The following PAK1 variants were observed in gnomAD, a reference collection of about 807,000 sequenced individuals.
The protein encoded by PAK1 is serine/threonine-protein kinase PAK 1.
Under a neutral mutation model 67.4 loss-of-function variants are expected in PAK1, and 29 were observed. The observed-to-expected ratio is 0.43, with a 90% CI of 0.32 to 0.59. PAK1 has a LOEUF of 0.59. Ranked by LOEUF, PAK1 falls within the 20% of genes least tolerant of loss-of-function variation. The probability of loss-of-function intolerance (pLI) is 0.07; values close to 1 mark genes in which losing one functional copy is unlikely to be tolerated. For missense variants in PAK1, 337 were observed against 670.7 expected, an observed-to-expected ratio of 0.50 and a Z score of 5.50; for synonymous variants, 223 against 237.4, an observed-to-expected ratio of 0.94 and a Z score of 0.56.
At chr11:77,489,302 T>C in the PAK1 span, among the ~76,000 whole-genome samples, 5 of 152,228 alleles carry the variant, frequency 3.3e-5, no homozygotes, top group South Asian at 8.3e-4. Flanking sequence ...TTGTAAGAAA[T>C]GCTAAAGATA....
At chr11:77,409,899 A>G (rs1954244409) in intron 1 of PAK1, among the ~76,000 whole-genome samples, 1 of 152,020 alleles carries the variant, frequency 6.6e-6, no homozygotes, top group Non-Finnish European at 1.5e-5. Flanking sequence ...TTTTTAACTA[A>G]AAAAAAATTT....
At chr11:77,446,526 A>AG (rs1212058985) in intron 1 of PAK1, among the ~76,000 whole-genome samples, 8 of 151,250 alleles carry the variant, frequency 5.3e-5, no homozygotes, top group African/African-American at 1.9e-4. Context: ...AAAAAAAAAA[A>AG]AAAAAAAAGA....
At chr11:77,509,269 T>C in the PAK1 span, among the ~76,000 whole-genome samples, 1 of 150,974 alleles carries the variant, frequency 6.6e-6, no homozygotes, top group African/African-American at 2.4e-5. Context: ...AAAAAATAAA[T>C]AAAATAAAAT....
At chr11:77,494,683 A>C in the PAK1 span, among the ~76,000 whole-genome samples, 2 of 152,086 alleles carry the variant, frequency 1.3e-5, no homozygotes, top group South Asian at 4.1e-4. Context: ...ATGGAAAATG[A>C]TACAGACACC....
At chr11:77,391,743 C>T (rs1055438158) in intron 2 of PAK1, among the ~76,000 whole-genome samples, 3 of 152,196 alleles carry the variant, frequency 2.0e-5, no homozygotes, top group Non-Finnish European at 4.4e-5. Context: ...CACCACTATT[C>T]ATCATATGAT....
At chr11:77,372,660 G>C (rs1948595212) in intron 5 of PAK1, among the ~76,000 whole-genome samples, 1 of 152,046 alleles carries the variant, frequency 6.6e-6, no homozygotes, top group Non-Finnish European at 1.5e-5. Flanking sequence ...ACTCCTACAT[G>C]ATCTGTCCTG....
intron 13 of PAK1, among the ~76,000 whole-genome samples, chr11:77,333,083 A>C (rs1464133902): frequency 2.6e-5 from 4 of 152,146 alleles, no homozygotes; most frequent in Admixed American, 2.0e-4. Flanking sequence ...AGTAGGGATG[A>C]TGATAATGCC....
intron 1 of PAK1, among the ~76,000 whole-genome samples, chr11:77,458,842 T>C (rs113660792): frequency 0.014 from 2,123 of 152,264 alleles, 42 homozygotes; most frequent in African/African-American, 0.049. Context: ...ATTCAGTCTT[T>C]CAACAAATAT....
chr11:77,404,359 G>A (rs959620887), intron 1 of PAK1, among the ~76,000 whole-genome samples: 8 of 151,526 alleles, frequency 5.3e-5, no homozygotes, highest in South Asian at 4.2e-4. Context: ...CCTCCACCTC[G>A]GGGGTTCAAG....
chr11:77,459,690 CTTTTTT>C (rs755731892), intron 1 of PAK1, among the ~76,000 whole-genome samples: 4 of 134,554 alleles, frequency 3.0e-5, no homozygotes, highest in East Asian at 4.3e-4. Context: ...TCTTCTTCTT[CTTTTTT>C]TTTTTTTTTT....
intron 1 of PAK1, among the ~76,000 whole-genome samples, chr11:77,423,992 G>C (rs1202267747): frequency 6.6e-6 from 1 of 152,156 alleles, no homozygotes; most frequent in Non-Finnish European, 1.5e-5. Context: ...AGAATATTGG[G>C]GGCTCACAAA....
intron 2 of PAK1, among the ~76,000 whole-genome samples, chr11:77,383,717 G>A (rs1286961643): frequency 3.3e-5 from 5 of 152,108 alleles, no homozygotes; most frequent in Non-Finnish European, 7.4e-5. Flanking sequence ...GAGAGAAATG[G>A]AGAAGTCATA....
chr11:77,469,982 ATTGT>A (rs932895959), intron 1 of PAK1, among the ~76,000 whole-genome samples: 59 of 152,162 alleles, frequency 3.9e-4, no homozygotes, highest in African/African-American at 1.2e-3. Context: ...TTAGATGCAT[ATTGT>A]TTATCGCTTT....
rs1352013811 is a variant in PAK1 at position 77,340,820 on chromosome 11, C to T, written c.999-57G>A. On this transcript the variant is annotated intron_variant, in intron 10 of 14. Transcript: ENST00000356341. ...ACAATCAGAGTACACTGAGCCATAG[C>T]ACTGGGTTTCAAAGGCTAAGCATAT... The T allele has an allele frequency of 4.6e-5, 43 of 936,304 alleles. No individual in the cohort carries two copies. The South Asian group carries it at 4.8e-4, about 10-fold the overall frequency. 58.0% of individuals were successfully genotyped at this position (936,304 alleles called of 1,614,324 possible).
intron 1 of PAK1, among the ~76,000 whole-genome samples, chr11:77,453,369 T>C (rs78717502): frequency 1.3e-5 from 2 of 151,330 alleles, no homozygotes; most frequent in African/African-American, 4.9e-5. Flanking sequence ...AAAAAAAAAA[T>C]TTTTTTGGAA....
At chr11:77,422,907 AC>A (rs1196876829) in intron 1 of PAK1, among the ~76,000 whole-genome samples, 1 of 152,146 alleles carries the variant, frequency 6.6e-6, no homozygotes, top group Non-Finnish European at 1.5e-5. Context: ...AAAAGCACAC[AC>A]TCAGTGGCTG....
chr11:77,387,623 A>C (rs759769016), intron 2 of PAK1, among the ~76,000 whole-genome samples: 3 of 152,304 alleles, frequency 2.0e-5, no homozygotes, highest in Middle Eastern at 3.4e-3. Flanking sequence ...TTAAAAAACA[A>C]ACCTCCTATT....
At chr11:77,521,482 T>C in the PAK1 span, among the ~76,000 whole-genome samples, 1 of 151,422 alleles carries the variant, frequency 6.6e-6, no homozygotes, top group African/African-American at 2.4e-5. Flanking sequence ...TGAGCCAAGA[T>C]CGTGCCATTG....
At chr11:77,329,166 C>T (rs1940813257) in intron 14 of PAK1, 2 of 152,162 alleles carry the variant, frequency 1.3e-5, no homozygotes, top group South Asian at 2.1e-4. Context: ...AAAAAGAGTC[C>T]AGGACCAGAT....
Sources: allele counts gnomAD v4.1 joint callset (sites outside exome capture counted in the v4.1 genomes callset), GRCh38; gene constraint gnomAD v4.1.1; transcripts MANE v1.5; gene names NCBI Gene and HGNC (gene_info 2026-07-23, HGNC 2026-07-21).